MAN1C1: variants seen among roughly 807,000 people sequenced by gnomAD.
MAN1C1 encodes the protein mannosidase alpha class 1C member 1.
A neutral mutation model predicts 71.5 loss-of-function variants in MAN1C1; 49 were observed. The ratio of observed to expected loss-of-function variants is 0.69; its 90% CI spans 0.54 to 0.87. The LOEUF is 0.87. Ranked by LOEUF, MAN1C1 falls within the 40% of genes least tolerant of loss-of-function variation. The pLI is 0.00. For missense variants in MAN1C1, 743 were observed against 835.0 expected (o/e 0.89, Z 1.36); for synonymous variants, 352 against 343.7 (o/e 1.02, Z -0.27).
chr1:25,781,741 G>T (rs2047698471), intron 10 of MAN1C1, among the ~76,000 whole-genome samples: 1 of 151,982 alleles, frequency 6.6e-6, no homozygotes, highest in African/African-American at 2.4e-5. Context: ...CTCAGACGGG[G>T]TCCAGGGCAT....
rs571117246 is a variant in MAN1C1, at chr1:25,782,014, T to C, written c.1651-571T>C. 3.3e-5 allele frequency among the ~76,000 whole-genome samples: 5 copies of C among 152,172 alleles called. 1 individual carries two copies. The South Asian group carries it at 8.3e-4, about 25-fold the overall frequency. On this transcript the variant is annotated intron_variant, in intron 10 of 11. Coordinates refer to ENST00000374332, the MANE Select transcript of MAN1C1 (RefSeq NM_020379.4). This position sits in a 1 kb window ranked among gnomAD's most constrained non-coding sequence, Gnocchi z 4.4. ...AAGAGGATTGCTCGAACTGCAGAGGTTGAAGCTGCAGAGTGAGCTCTGATC... is the reference window on the plus strand; with the variant it reads ...AAGAGGATTGCTCGAACTGCAGAGGCTGAAGCTGCAGAGTGAGCTCTGATC...
chr1:25,740,598 G>A (rs2742943), intron 2 of MAN1C1, among the ~76,000 whole-genome samples: 11,992 of 152,018 alleles, frequency 0.079, 651 homozygotes, highest in African/African-American at 0.15. Context: ...CACCATGCCC[G>A]GCTAATTTTT....
intron 1 of MAN1C1, among the ~76,000 whole-genome samples, chr1:25,653,364 C>T (rs577069450): frequency 6.6e-6 from 1 of 152,340 alleles, no homozygotes; most frequent in South Asian, 2.1e-4. Flanking sequence ...CAGGTGTGAG[C>T]CACCATGCAC....
In MAN1C1 at chr1:25,617,007, C is replaced by T. The variant is rs562248378; in HGVS notation, c.-791C>T. Among the ~76,000 whole-genome samples the T allele has an allele frequency of 2.6e-5, 4 of 151,780 alleles. No individual in the cohort carries two copies. The South Asian group carries it at 8.3e-4, about 31-fold the overall frequency. ...TCCCAGTGGGAGCCCCGCGCCCTGC[C>T]GAGTTCGAGGGGCGGGAGCCCGCGC... On this transcript the variant is annotated 5_prime_UTR_variant, in exon 1 of 12. Coordinates refer to ENST00000374332, the MANE Select transcript of MAN1C1 (RefSeq NM_020379.4). The surrounding 1 kb of genome is among the most constrained non-coding windows in gnomAD (Gnocchi z 5.1).
At chr1:25,626,000 C>G (rs768744123) in intron 1 of MAN1C1, among the ~76,000 whole-genome samples, 1 of 152,120 alleles carries the variant, frequency 6.6e-6, no homozygotes, top group Non-Finnish European at 1.5e-5. Context: ...TATTCGTTCA[C>G]CTGTTGGCCT....
At chr1:25,773,209 A>G (rs1287279108) in intron 8 of MAN1C1, among the ~76,000 whole-genome samples, 1 of 151,940 alleles carries the variant, frequency 6.6e-6, no homozygotes, top group Non-Finnish European at 1.5e-5. Context: ...TGGGTGCATG[A>G]ATGCTGAAAG....
chr1:25,737,817 C>G (rs1029548813), intron 2 of MAN1C1, among the ~76,000 whole-genome samples: 1 of 152,104 alleles, frequency 6.6e-6, no homozygotes, highest in African/African-American at 2.4e-5. Context: ...TTTACCGAGC[C>G]ATCTCTGCAA....
chr1:25,783,659 A>G lies in MAN1C1; in HGVS notation c.1767-4A>G, dbSNP rs187331964. 712 of 1,611,558 alleles carry G rather than the reference A, an allele frequency of 4.4e-4. 1 individual carries two copies. Among genetic ancestry groups the G allele is most frequent in the Non-Finnish European group, 5.6e-4 (666 of 1,179,752 alleles). On this transcript the variant is annotated splice_region_variant and splice_polypyrimidine_tract_variant and intron_variant, in intron 11 of 11. Coordinates refer to ENST00000374332, the MANE Select transcript of MAN1C1 (RefSeq NM_020379.4). ...CTTGCTTCCCTGCCCTGCGTGGGGC[A>G]CAGGTATCTCTATCTTCTGTTCTCT...
chr1:25,704,690 AT>A (rs1191164438), intron 2 of MAN1C1, among the ~76,000 whole-genome samples: 1 of 152,242 alleles, frequency 6.6e-6, no homozygotes, highest in Admixed American at 6.5e-5. Flanking sequence ...TCCTGTTAAA[AT>A]GTCTCTCCTT....
chr1:25,781,063 G>A lies in MAN1C1; in HGVS notation c.1601G>A (p.Arg534Gln), dbSNP rs1290165677. 7 of 1,613,964 alleles carry A rather than the reference G, an allele frequency of 4.3e-6. No individual in the cohort carries two copies. The highest frequency in any genetic ancestry group is 1.3e-5 in the African/African-American group (1 of 74,916). The change falls in exon 10 of 12, where the codon CGA becomes CAA. Residue 534 changes from arginine (R) to glutamine (Q), a missense_variant. Transcript: ENST00000374332. ...EVVESYMYLW[R>Q]QTHNPIYREW... ...GTGGAGAGCTACATGTACCTGTGGC[G>A]ACAGACCCACAACCCCATCTACAGG...
chr1:25,777,376 G>A (rs1464900904), intron 8 of MAN1C1, among the ~76,000 whole-genome samples: 2 of 152,000 alleles, frequency 1.3e-5, no homozygotes, highest in Admixed American at 6.5e-5. Flanking sequence ...ACCCCCTCAC[G>A]CCCCCGACAT....
chr1:25,685,358 G>A (rs1237500314), intron 1 of MAN1C1, among the ~76,000 whole-genome samples: 1 of 152,190 alleles, frequency 6.6e-6, no homozygotes, highest in African/African-American at 2.4e-5. Context: ...ATCCACCTGC[G>A]CCTCAGCTCT....
At chr1:25,679,622 C>T (rs915782509) in intron 1 of MAN1C1, among the ~76,000 whole-genome samples, 6 of 150,402 alleles carry the variant, frequency 4.0e-5, no homozygotes, top group East Asian at 3.9e-4. Context: ...AAGGATCTTA[C>T]GTTTACCTTC....
intron 2 of MAN1C1, among the ~76,000 whole-genome samples, chr1:25,742,264 TC>T (rs1452750621): frequency 2.0e-5 from 3 of 152,158 alleles, no homozygotes; most frequent in African/African-American, 7.2e-5. Flanking sequence ...CATTGGCAGT[TC>T]CTGAGCTTGG....
At chr1:25,682,909 G>A (rs1489978385) in intron 1 of MAN1C1, among the ~76,000 whole-genome samples, 5 of 152,126 alleles carry the variant, frequency 3.3e-5, no homozygotes, top group African/African-American at 9.6e-5. Flanking sequence ...GTGGTGGCAC[G>A]TGTCTGTAAT....
At chr1:25,724,020 G>A (rs1364175126) in intron 2 of MAN1C1, among the ~76,000 whole-genome samples, 3 of 150,444 alleles carry the variant, frequency 2.0e-5, no homozygotes, top group Non-Finnish European at 3.0e-5. Context: ...CCAAACGACT[G>A]CCTACCTTTT....
chr1:25,681,952 C>CT (rs1424444452), intron 1 of MAN1C1, among the ~76,000 whole-genome samples: 1 of 142,994 alleles, frequency 7.0e-6, no homozygotes, highest in Non-Finnish European at 1.5e-5. Flanking sequence ...CCCTATTTGC[C>CT]TTAAAAAAAA....
Position 25,693,984 on chromosome 1 carries a change from T to C in MAN1C1, c.637+7448T>C, listed in dbSNP as rs141931952. Among the ~76,000 whole-genome samples, 402 of 152,344 alleles carry C rather than the reference T, an allele frequency of 2.6e-3. 1 individual carries two copies. Among genetic ancestry groups the C allele is most frequent in the African/African-American group, 8.5e-3 (354 of 41,570 alleles). ...CATAAAATGTAGGCTGCTGTGATTA[T>C]TATGTTTGTAAAAAGTAATAATGAG... On this transcript the variant is annotated intron_variant, in intron 2 of 11. Coordinates refer to ENST00000374332, the MANE Select transcript of MAN1C1 (RefSeq NM_020379.4).
rs192220383 is a variant in MAN1C1, at chr1:25,634,727, C to T, written c.540+16390C>T. On this transcript the variant is annotated intron_variant, in intron 1 of 11. Coordinates refer to ENST00000374332, the MANE Select transcript of MAN1C1 (RefSeq NM_020379.4). The surrounding 1 kb of genome is among the most constrained non-coding windows in gnomAD (Gnocchi z 4.6). ...CCCAGCTATTCAGGAGGCTGGGGCA[C>T]GAGAATTGCTTGAACTAGGGAGGCG... 5.0e-3 allele frequency among the ~76,000 whole-genome samples: 761 copies of T among 151,864 alleles called. 10 individuals carry two copies. The highest frequency in any genetic ancestry group is 0.017 in the African/African-American group (709 of 41,344).
Sources: allele counts gnomAD v4.1 joint callset (sites outside exome capture counted in the v4.1 genomes callset), GRCh38; gene constraint gnomAD v4.1.1; non-coding constraint Gnocchi (gnomAD v3.1); transcripts MANE v1.5; gene names NCBI Gene and HGNC (gene_info 2026-07-23, HGNC 2026-07-21).